Variants in R3HDM2 observed in about 807,000 individuals in gnomAD.
R3HDM2 encodes the protein R3H domain containing 2, also known as R3H domain-containing protein 2.
Under a neutral mutation model 124.5 loss-of-function variants are expected in R3HDM2, and 38 were observed. The observed-to-expected ratio is 0.31, with a 90% CI of 0.24 to 0.40. R3HDM2 has a LOEUF of 0.40. Among genes scored for constraint, R3HDM2 ranks in the 10% least tolerant of loss-of-function variants. The pLI is 1.00. For synonymous variants in R3HDM2, 391 were observed against 448.0 expected (o/e 0.87, Z 1.61); for missense variants, 869 against 1,236.9 (o/e 0.70, Z 4.46).
At chr12:57,386,648 G>A in intron 2 of R3HDM2, among the ~76,000 whole-genome samples, 1 of 152,236 alleles carries the variant, frequency 6.6e-6, no homozygotes, top group Non-Finnish European at 1.5e-5. Flanking sequence ...GGGCTGAGCA[G>A]TGCAGGCCCA....
chr12:57,376,916 A>T (rs1234327261), intron 2 of R3HDM2, among the ~76,000 whole-genome samples: 4 of 151,490 alleles, frequency 2.6e-5, no homozygotes, highest in Non-Finnish European at 1.5e-5. Flanking sequence ...ACACCACTGC[A>T]CTCTAGCCTG....
rs780242754 is a variant in R3HDM2, at chr12:57,296,948, C to T, written c.560+380G>A. 2.7e-5 allele frequency: 6 copies of T among 219,032 alleles called. No homozygotes were observed. The highest frequency in any genetic ancestry group is 5.4e-5 in the Non-Finnish European group (6 of 110,460). 13.6% of individuals were successfully genotyped at this position (219,032 alleles called of 1,614,324 possible). On this transcript the variant is annotated intron_variant, in intron 8 of 23. Transcript: ENST00000402412. The surrounding 1 kb of genome is among the most constrained non-coding windows in gnomAD (Gnocchi z 4.5). The stretch of plus-strand genomic sequence containing the variant: ...GCATGTGCCTGTCATCCCAGCTACT[C>T]AATGGCTGAGGCACAAGAATCACTT...
intron 3 of R3HDM2, among the ~76,000 whole-genome samples, chr12:57,305,457 A>G (rs568705016): frequency 4.6e-5 from 7 of 152,224 alleles, no homozygotes; most frequent in Admixed American, 1.3e-4. Flanking sequence ...AGTTTTTTAT[A>G]AAGTATTCCT....
At chr12:57,326,842 T>C (rs2057370030) in intron 2 of R3HDM2, among the ~76,000 whole-genome samples, 1 of 152,166 alleles carries the variant, frequency 6.6e-6, no homozygotes. Flanking sequence ...TAATTTACCA[T>C]TCTGAAAATC....
At position 57,254,628 on chromosome 12, in the gene R3HDM2, G is replaced by T; in HGVS notation, c.*145C>A. On this transcript the variant is annotated 3_prime_UTR_variant, in exon 24 of 24. Transcript: ENST00000402412. ...GAGTCCAATGCCAGTGTAGGTATCT[G>T]TGTTTCCATCTTCATCACTGTCTTA... 3 of 715,048 alleles carry T rather than the reference G, an allele frequency of 4.2e-6. No individual in the cohort carries two copies. Among genetic ancestry groups the T allele is most frequent in the Non-Finnish European group, 4.4e-6 (2 of 452,648 alleles). 44.3% of individuals were successfully genotyped at this position (715,048 alleles called of 1,614,324 possible). A position where few individuals can be genotyped will look rare whatever the true frequency, so the allele number is the denominator to read the frequency against.
intron 1 of R3HDM2, among the ~76,000 whole-genome samples, chr12:57,420,986 G>A (rs1011471243): frequency 4.0e-5 from 6 of 151,650 alleles, no homozygotes; most frequent in African/African-American, 9.7e-5. Flanking sequence ...GTTCCCAAAC[G>A]TGCATCTTCC....
rs746811898 is a variant in R3HDM2, at chr12:57,266,727, T to G, written c.2131+4A>C. 1 of 1,568,628 alleles carries G rather than the reference T, an allele frequency of 6.4e-7. No individual in the cohort carries two copies. ...CCAAGACCCACAGTTCCTTATCCTC[T>G]TACCTGAGTACTGCTGTGGCATCTG... On this transcript the variant is annotated splice_donor_region_variant and intron_variant, in intron 19 of 23. Transcript: ENST00000402412.
chr12:57,386,667 G>T (rs185964939), intron 2 of R3HDM2, among the ~76,000 whole-genome samples: 1 of 152,252 alleles, frequency 6.6e-6, no homozygotes, highest in African/African-American at 2.4e-5. Flanking sequence ...CACTGTGCAG[G>T]ACTCGCAGGC....
chr12:57,424,045 C>T (rs560690593), intron 1 of R3HDM2, among the ~76,000 whole-genome samples: 163 of 123,468 alleles, frequency 1.3e-3, no homozygotes, highest in African/African-American at 4.4e-3. Flanking sequence ...ACCCAGGAGT[C>T]GGAGGTTGCG....
In R3HDM2 at chr12:57,271,437, TAC is replaced by T. The variant is rs34695167; in HGVS notation, c.1345-1445_1345-1444del. ...TTCCCTTCTGCTCCCTGGACAGTAA[TAC>T]ACACACACACACACACACACACGCA... On this transcript the variant is annotated intron_variant, in intron 14 of 23. Coordinates refer to ENST00000402412, the MANE Select transcript of R3HDM2 (RefSeq NM_001394031.1). Among the ~76,000 whole-genome samples, 224 of 149,118 alleles carry T rather than the reference TAC, an allele frequency of 1.5e-3. 1 individual carries two copies. Among genetic ancestry groups the T allele is most frequent in the East Asian group, 0.01 (52 of 5,104 alleles).
chr12:57,359,890 T>C (rs533178975), intron 2 of R3HDM2, among the ~76,000 whole-genome samples: 33 of 151,636 alleles, frequency 2.2e-4, no homozygotes, highest in Admixed American at 2.2e-3. Flanking sequence ...ATTAAAGTAA[T>C]ATATCACTTC....
At chr12:57,268,827 A>G (rs2043016814) in intron 17 of R3HDM2, 95 bp downstream of exon 17, 1 of 1,397,564 alleles carries the variant, frequency 7.2e-7, no homozygotes, top group Non-Finnish European at 9.7e-7. Flanking sequence ...ACACTATTTT[A>G]GTATTGGAGT....
At chr12:57,280,581 C>CATTT in intron 13 of R3HDM2, 51 bp from the exon 14 acceptor site, 1 of 1,493,268 alleles carries the variant, frequency 6.7e-7, no homozygotes, top group Non-Finnish European at 9.0e-7. Flanking sequence ...GCCACGAACA[C>CATTT]ATTATCCCTG....
intron 2 of R3HDM2, among the ~76,000 whole-genome samples, chr12:57,355,995 T>C (rs1486381647): frequency 6.6e-6 from 1 of 152,224 alleles, no homozygotes; most frequent in Non-Finnish European, 1.5e-5. Context: ...ACATACATGA[T>C]GCTATCCTCT....
chr12:57,315,975 C>T (rs774994564), intron 2 of R3HDM2, among the ~76,000 whole-genome samples: 7 of 152,070 alleles, frequency 4.6e-5, no homozygotes, highest in Admixed American at 1.3e-4. Flanking sequence ...AAAAATTAGC[C>T]GGGCGTGGTG....
intron 2 of R3HDM2, among the ~76,000 whole-genome samples, chr12:57,317,668 TAA>T (rs562475743): frequency 0.24 from 25,893 of 108,012 alleles, 3,316 homozygotes; most frequent in South Asian, 0.44. Flanking sequence ...AGAAGATAGT[TAA>T]AAAAAAAAAA....
At chr12:57,315,721 G>A (rs980074000) in intron 2 of R3HDM2, among the ~76,000 whole-genome samples, 3 of 152,130 alleles carry the variant, frequency 2.0e-5, no homozygotes, top group Admixed American at 6.5e-5. Flanking sequence ...CAAGTTTTAC[G>A]GAGACACATG....
chr12:57,260,788 C>T (rs540603719), intron 19 of R3HDM2, among the ~76,000 whole-genome samples: 7 of 152,128 alleles, frequency 4.6e-5, no homozygotes, highest in East Asian at 1.9e-4. Context: ...CTTCCTATGA[C>T]GGGAAATGTT....
At chr12:57,429,770 G>A (rs1253698876) in intron 1 of R3HDM2, among the ~76,000 whole-genome samples, 18 of 141,834 alleles carry the variant, frequency 1.3e-4, no homozygotes, top group African/African-American at 4.4e-4. Flanking sequence ...GGGGGCGGGG[G>A]TGGGGGGGGA....
Sources: allele counts gnomAD v4.1 joint callset (sites outside exome capture counted in the v4.1 genomes callset), GRCh38; gene constraint gnomAD v4.1.1; non-coding constraint Gnocchi (gnomAD v3.1); transcripts MANE v1.5; gene names NCBI Gene and HGNC (gene_info 2026-07-23, HGNC 2026-07-21).